Variants in KAZN observed in about 807,000 individuals in gnomAD.
The protein encoded by KAZN is kazrin.
In KAZN, 40 loss-of-function variants were observed where a neutral mutation model predicts 87.4. The observed-to-expected ratio is 0.46, with a 90% CI of 0.36 to 0.60. The LOEUF (loss-of-function observed/expected upper bound fraction) is 0.60, where lower values mean the gene tolerates loss of function less well. Among genes scored for constraint, KAZN ranks in the 20% least tolerant of loss-of-function variants. KAZN has a pLI of 0.00. For synonymous variants in KAZN, 466 were observed against 458.3 expected (o/e 1.02, Z -0.22); for missense variants, 898 against 1,073.9 (o/e 0.84, Z 2.29).
chr1:15,076,751 TA>T (rs755610862), intron 8 of KAZN, among the ~76,000 whole-genome samples: 2 of 152,222 alleles, frequency 1.3e-5, no homozygotes, highest in Non-Finnish European at 2.9e-5. Flanking sequence ...TTACTAGTTG[TA>T]AAGCACCAGG....
At chr1:14,379,211 C>A (rs2101042317) in intron 2 of KAZN, among the ~76,000 whole-genome samples, 1 of 151,458 alleles carries the variant, frequency 6.6e-6, no homozygotes, top group Non-Finnish European at 1.5e-5. Flanking sequence ...CTAAAGAGTC[C>A]TTGGGCCCTG....
At chr1:13,955,182 G>A (rs1187649124) in intron 1 of KAZN, among the ~76,000 whole-genome samples, 1 of 152,110 alleles carries the variant, frequency 6.6e-6, no homozygotes, top group Non-Finnish European at 1.5e-5. Context: ...GTTTTTGATT[G>A]ATCTCATCAA....
intron 1 of KAZN, among the ~76,000 whole-genome samples, chr1:14,800,177 G>C (rs1236953058): frequency 6.6e-6 from 1 of 152,120 alleles, no homozygotes; most frequent in Non-Finnish European, 1.5e-5. Flanking sequence ...CAGATCTCCA[G>C]GTTTTTGTGA....
chr1:14,776,164 T>C (rs1231191486), intron 1 of KAZN, among the ~76,000 whole-genome samples: 2 of 152,112 alleles, frequency 1.3e-5, no homozygotes, highest in East Asian at 1.9e-4. Flanking sequence ...CTACCACGCC[T>C]GGCTAATTTT....
chr1:15,108,538 G>A (rs1299299317), intron 13 of KAZN, among the ~76,000 whole-genome samples: 2 of 152,246 alleles, frequency 1.3e-5, no homozygotes, highest in Non-Finnish European at 1.5e-5. Flanking sequence ...ACCGTGGTGA[G>A]GAGCTGACAG....
At chr1:14,517,255 C>T (rs191472669) in intron 2 of KAZN, among the ~76,000 whole-genome samples, 9 of 152,128 alleles carry the variant, frequency 5.9e-5, no homozygotes, top group Admixed American at 3.3e-4. Flanking sequence ...TCGTGAAGCT[C>T]GTAGAATGTA....
At chr1:13,953,109 C>A (rs557228299) in intron 1 of KAZN, among the ~76,000 whole-genome samples, 1 of 151,998 alleles carries the variant, frequency 6.6e-6, no homozygotes, top group South Asian at 2.1e-4. Flanking sequence ...GAACGGCCCC[C>A]GAATTCAATA....
intron 1 of KAZN, among the ~76,000 whole-genome samples, chr1:14,660,824 A>G (rs61673144): frequency 0.038 from 5,752 of 152,242 alleles, 246 homozygotes; most frequent in African/African-American, 0.1. Context: ...TGGCTGTGCA[A>G]ATAAGATCCT....
intron 2 of KAZN, among the ~76,000 whole-genome samples, chr1:14,421,495 A>G (rs908671956): frequency 2.0e-5 from 3 of 152,158 alleles, no homozygotes; most frequent in East Asian, 1.9e-4. Flanking sequence ...TAAAGACCCT[A>G]CTATGCACAG....
intron 1 of KAZN, among the ~76,000 whole-genome samples, chr1:14,064,432 T>C (rs2101530427): frequency 6.6e-6 from 1 of 152,286 alleles, no homozygotes; most frequent in South Asian, 2.1e-4. Flanking sequence ...CCAACCCAGG[T>C]CACTCTGCTG....
chr1:14,917,799 T>C (rs1033186095), intron 1 of KAZN, among the ~76,000 whole-genome samples: 2 of 152,170 alleles, frequency 1.3e-5, no homozygotes, highest in African/African-American at 4.8e-5. Flanking sequence ...TCCACCTCAG[T>C]TTGTCTTCTC....
intron 1 of KAZN, among the ~76,000 whole-genome samples, chr1:14,091,964 T>C (rs565879930): frequency 6.6e-6 from 1 of 152,338 alleles, no homozygotes; most frequent in Non-Finnish European, 1.5e-5. Context: ...GGACACACAC[T>C]GTAATTTTTA....
At chr1:14,759,101 G>A (rs943170136) in intron 1 of KAZN, among the ~76,000 whole-genome samples, 2 of 152,118 alleles carry the variant, frequency 1.3e-5, no homozygotes, top group Non-Finnish European at 2.9e-5. Flanking sequence ...ATTAACTTTG[G>A]GCTTTGGCCT....
intron 1 of KAZN, among the ~76,000 whole-genome samples, chr1:13,981,889 C>T (rs1638734775): frequency 6.6e-6 from 1 of 152,080 alleles, no homozygotes; most frequent in African/African-American, 2.4e-5. Flanking sequence ...CCTGAATGCC[C>T]TAGTCTTAAA....
chr1:14,937,765 A>G (rs1181073112), intron 1 of KAZN, among the ~76,000 whole-genome samples: 1 of 152,088 alleles, frequency 6.6e-6, no homozygotes, highest in Non-Finnish European at 1.5e-5. Context: ...GGCTCCTCTC[A>G]GTCTTCCCAG....
chr1:14,169,695 A>T (rs1645910956), intron 1 of KAZN, among the ~76,000 whole-genome samples: 1 of 152,208 alleles, frequency 6.6e-6, no homozygotes. Flanking sequence ...CAATGGCCAT[A>T]AGTAATGATC....
chr1:14,768,988 A>G (rs139890372), intron 1 of KAZN, among the ~76,000 whole-genome samples: 80 of 152,362 alleles, frequency 5.3e-4, no homozygotes, highest in African/African-American at 1.8e-3. Context: ...CCTCTTCCCT[A>G]GAGCATTGCA....
At chr1:14,361,853 G>T (rs115586150) in intron 2 of KAZN, among the ~76,000 whole-genome samples, 1 of 152,192 alleles carries the variant, frequency 6.6e-6, no homozygotes, top group Non-Finnish European at 1.5e-5. Flanking sequence ...TCATTTACCC[G>T]TGATTACTGT....
chr1:14,107,661 G>A (rs956013669), intron 1 of KAZN, among the ~76,000 whole-genome samples: 20 of 152,198 alleles, frequency 1.3e-4, no homozygotes, highest in African/African-American at 4.6e-4. Flanking sequence ...GTAGGGATGA[G>A]TCTACTTATG....
Sources: allele counts gnomAD v4.1 joint callset (sites outside exome capture counted in the v4.1 genomes callset), GRCh38; gene constraint gnomAD v4.1.1; transcripts MANE v1.5; gene names NCBI Gene and HGNC (gene_info 2026-07-23, HGNC 2026-07-21).